CYP3A43: variants seen among roughly 807,000 people sequenced by gnomAD.
The protein encoded by CYP3A43 is cytochrome P450 family 3 subfamily A member 43, also known as cytochrome P450 3A43.
A neutral mutation model predicts 58.0 loss-of-function variants in CYP3A43; 45 were observed. The observed-to-expected ratio is 0.78, with a 90% CI of 0.61 to 0.99. The LOEUF (loss-of-function observed/expected upper bound fraction) is 0.99, where lower values mean the gene tolerates loss of function less well. Ranked by LOEUF, CYP3A43 falls within the 50% of genes least tolerant of loss-of-function variation. CYP3A43 has a pLI of 0.00. For synonymous variants in CYP3A43, 191 were observed against 201.4 expected, an observed-to-expected ratio of 0.95 and a Z score of 0.44; for missense variants, 593 against 591.9, an observed-to-expected ratio of 1.00 and a Z score of -0.02.
rs1816702198 is a variant in CYP3A43 at position 99,828,192 on chromosome 7, TAACTATGCAGG to T, written c.71+7_71+17del. On this transcript the variant is annotated splice_region_variant and intron_variant, in intron 1 of 12. Coordinates refer to ENST00000354829, the MANE Select transcript of CYP3A43 (RefSeq NM_057095.3). ...AGCCTGGTACTCCTCTATATGTGAG[TAACTATGCAGG>T]CATGTTTGCTCTTAACTCTAAGACC... is the stretch of plus-strand genomic sequence containing the variant. 5 of 1,600,622 alleles carry T rather than the reference TAACTATGCAGG, an allele frequency of 3.1e-6. No homozygotes were observed. Among genetic ancestry groups the T allele is most frequent in the Non-Finnish European group, 4.3e-6 (5 of 1,172,148 alleles).
chr7:99,846,798 A>G (rs1817555040), intron 4 of CYP3A43, among the ~76,000 whole-genome samples: 1 of 152,232 alleles, frequency 6.6e-6, no homozygotes, highest in Non-Finnish European at 1.5e-5. Flanking sequence ...TTTATCCTAA[A>G]TAAGCATTGA....
At chr7:99,848,795 CT>C (rs1225026018) in intron 6 of CYP3A43, among the ~76,000 whole-genome samples, 1 of 152,178 alleles carries the variant, frequency 6.6e-6, no homozygotes, top group Non-Finnish European at 1.5e-5. Flanking sequence ...TAGGGCAATG[CT>C]ATTGTTTGTT....
rs1397893584 is a variant in CYP3A43, at chr7:99,849,541, C to T, written c.522-5C>T. ...TTTTAATTTTCCATGTTTTACTCTA[C>T]TCAGTTTCTTTGGGGCCTACACCAT... On this transcript the variant is annotated splice_polypyrimidine_tract_variant and splice_region_variant and intron_variant, in intron 6 of 12. Coordinates refer to ENST00000354829, the MANE Select transcript of CYP3A43 (RefSeq NM_057095.3). The T allele has an allele frequency of 6.3e-7, 1 of 1,591,028 alleles. No homozygotes were observed. Among genetic ancestry groups the T allele is most frequent in the Non-Finnish European group, 8.5e-7 (1 of 1,174,188 alleles).
At chr7:99,849,728 C>CA in intron 7 of CYP3A43, 34 bp downstream of exon 7, 1 of 1,532,850 alleles carries the variant, frequency 6.5e-7, no homozygotes, top group African/African-American at 1.4e-5. Flanking sequence ...CTCTCTCTCT[C>CA]TCTCTCTCAT....
Position 99,856,907 on chromosome 7 carries a change from A to G in CYP3A43, c.865+8A>G. ...AAACAAAGTCCCATAAAGGTAACCA[A>G]GAACTGCATCTGGGGGCTACTGATG... On this transcript the variant is annotated splice_region_variant and intron_variant, in intron 9 of 12. Coordinates refer to ENST00000354829, the MANE Select transcript of CYP3A43 (RefSeq NM_057095.3). 6.2e-7 allele frequency: 1 copy of G among 1,613,004 alleles called. No individual in the cohort carries two copies. The highest frequency in any genetic ancestry group is 8.5e-7 in the Non-Finnish European group (1 of 1,179,682).
chr7:99,851,367 T>C (rs1817754157), intron 7 of CYP3A43, among the ~76,000 whole-genome samples: 1 of 152,218 alleles, frequency 6.6e-6, no homozygotes, highest in Non-Finnish European at 1.5e-5. Context: ...CATGTTTCAC[T>C]TCTTAAGGAG....
Position 99,848,174 on chromosome 7 carries a change from C to T in CYP3A43, c.441C>T (p.Pro147=), listed in dbSNP as rs1323975142. Residue 147 remains proline (P), a synonymous_variant, in exon 6 of 13, where the codon CCC becomes CCT. Coordinates refer to ENST00000354829, the MANE Select transcript of CYP3A43 (RefSeq NM_057095.3). The stretch of plus-strand genomic sequence containing the variant: ...GTGGTGTTGTGTTTTAGATGGTCCC[C>T]ATCATTTCCCAATGTGGAGATATGT... ...FTSVKFKEMV[P]IISQCGDMLV... 4 of 1,614,090 alleles carry T rather than the reference C, an allele frequency of 2.5e-6. No homozygotes were observed. Among genetic ancestry groups the T allele is most frequent in the Non-Finnish European group, 2.5e-6 (3 of 1,179,992 alleles).
chr7:99,863,733 G>A, intron 12 of CYP3A43, 34 bp downstream of exon 12: 1 of 1,467,180 alleles, frequency 6.8e-7, no homozygotes, highest in South Asian at 1.5e-5. Context: ...ATGTTTATTG[G>A]GAGTTTTTTA....
chr7:99,863,274 A>T (rs1355549481), intron 11 of CYP3A43, among the ~76,000 whole-genome samples: 1 of 152,160 alleles, frequency 6.6e-6, no homozygotes, highest in Non-Finnish European at 1.5e-5. Flanking sequence ...AAAACACATA[A>T]CCACAAGGGC....
Position 99,849,641 on chromosome 7 carries a change from A to C in CYP3A43, c.617A>C (p.Asn206Thr). The change falls in exon 7 of 13, where the codon AAT becomes ACT. Residue 206 changes from asparagine to threonine, a missense_variant. Asn to Thr is a moderately conservative substitution (Grantham distance 65). Coordinates refer to ENST00000354829, the MANE Select transcript of CYP3A43 (RefSeq NM_057095.3). ...AATCCACAAGATCCCTTTCTGAAAA[A>C]TATGAAGAAGCTTTTAAAATTGGAT... ...LNNPQDPFLK[N>T]MKKLLKLDFL... 6.2e-7 allele frequency: 1 copy of C among 1,612,274 alleles called. No homozygotes were observed. The highest frequency in any genetic ancestry group is 8.5e-7 in the Non-Finnish European group (1 of 1,179,632).
intron 2 of CYP3A43, among the ~76,000 whole-genome samples, chr7:99,838,164 T>C (rs1265469099): frequency 6.6e-6 from 1 of 152,218 alleles, no homozygotes. Flanking sequence ...AGTATTGTAA[T>C]GTGCTGTGTC....
At chr7:99,853,493 C>CTTT (rs3032251) in intron 7 of CYP3A43, among the ~76,000 whole-genome samples, 27,798 of 152,024 alleles carry the variant, frequency 0.18, 4,928 homozygotes, top group African/African-American at 0.47. Context: ...TGAGTCATCT[C>CTTT]TTATTTCTTC....
intron 6 of CYP3A43, 123 bp from the exon 7 acceptor site, chr7:99,849,423 A>G (rs678040): frequency 0.092 from 104,902 of 1,137,008 alleles, 11,220 homozygotes; most frequent in African/African-American, 0.52. Flanking sequence ...GATGCAGCAG[A>G]TTGTTCTGAT....
intron 6 of CYP3A43, 82 bp downstream of exon 6, chr7:99,848,336 G>A: frequency 1.4e-6 from 2 of 1,423,154 alleles, no homozygotes; most frequent in South Asian, 1.2e-5. Context: ...CCACTGTTGG[G>A]TTACTCCAGT....
rs1216640231 is a variant in CYP3A43 at position 99,836,524 on chromosome 7, G to C, written c.143G>C (p.Gly48Ala). The C allele has an allele frequency of 1.1e-5, 18 of 1,600,126 alleles. No individual in the cohort carries two copies. The highest frequency in any genetic ancestry group is 1.5e-5 in the Non-Finnish European group (18 of 1,176,124). ...IPGPTPLPFL[G>A]TILFYLRGLW... ...GGGCCAACCCCTCTGCCTTTTCTGG[G>C]AACTATTTTGTTCTACCTTAGGGTA... Residue 48 changes from glycine to alanine, a missense_variant, in exon 2 of 13, where the codon GGA becomes GCA. Transcript: ENST00000354829.
chr7:99,855,610 C>G lies in CYP3A43; in HGVS notation c.690C>G (p.Thr230=). 6.2e-7 allele frequency: 1 copy of G among 1,607,354 alleles called. No homozygotes were observed. Among genetic ancestry groups the G allele is most frequent in the Non-Finnish European group, 8.5e-7 (1 of 1,176,426 alleles). ...LLLISLFPFL[T]PVFEALNIGL... is the part of the protein sequence containing the mutation. The stretch of plus-strand genomic sequence containing the variant: ...CTATAGCACTCTTTCCATTTCTTAC[C>G]CCAGTTTTTGAAGCCCTAAATATCG... The change falls in exon 8 of 13, where the codon ACC becomes ACG. Residue 230 remains threonine, a synonymous_variant. Coordinates refer to ENST00000354829, the MANE Select transcript of CYP3A43 (RefSeq NM_057095.3).
rs998735588 is a variant in CYP3A43 at position 99,860,115 on chromosome 7, A to T, written c.1026+125A>T. 13 of 1,204,264 alleles carry T rather than the reference A, an allele frequency of 1.1e-5. No homozygotes were observed. In the African/African-American group the frequency reaches 1.4e-4, roughly 13 times the overall value. The allele number at this position is 1,204,264 out of a possible 1,614,324, so 74.6% of individuals were successfully genotyped here. ...ATCAGTTCTTTCATTTACACTATGC[A>T]GAAAGGCTGTAAAGAGTAAAAACAA... On this transcript the variant is annotated intron_variant, in intron 10 of 12. Coordinates refer to ENST00000354829, the MANE Select transcript of CYP3A43 (RefSeq NM_057095.3).
intron 3 of CYP3A43, chr7:99,839,425 A>T: frequency 1.5e-6 from 1 of 664,824 alleles, no homozygotes; most frequent in Non-Finnish European, 2.8e-6. Flanking sequence ...CCCTAAACTC[A>T]CTATGACAAA....
intron 9 of CYP3A43, among the ~76,000 whole-genome samples, chr7:99,858,168 C>G (rs1818066651): frequency 9.3e-6 from 1 of 107,828 alleles, no homozygotes; most frequent in Non-Finnish European, 2.0e-5. Flanking sequence ...TACTGGGTAG[C>G]AGATCTACAC....
Sources: gnomAD v4.1 joint callset for allele counts (sites outside exome capture counted in the v4.1 genomes callset) on GRCh38, gnomAD v4.1.1 for gene constraint, MANE v1.5 for transcripts, NCBI Gene and HGNC (gene_info 2026-07-23, HGNC 2026-07-21) for gene names.